EPHA8: variants seen among roughly 807,000 people sequenced by gnomAD.
The protein encoded by EPHA8 is EPH receptor A8.
Under a neutral mutation model 103.6 loss-of-function variants are expected in EPHA8, and 58 were observed. That is an observed-to-expected ratio of 0.56 (90% CI 0.45 to 0.70). EPHA8 has a LOEUF of 0.70. Among genes scored for constraint, EPHA8 ranks in the 30% least tolerant of loss-of-function variants. The pLI, the probability that EPHA8 is intolerant of heterozygous loss-of-function variation, is 0.00. For missense variants in EPHA8, 1,304 were observed against 1,395.2 expected, an observed-to-expected ratio of 0.93 and a Z score of 1.04; for synonymous variants, 559 against 572.5, an observed-to-expected ratio of 0.98 and a Z score of 0.34.
chr1:22,578,159 C>T (rs58631905), intron 3 of EPHA8, among the ~76,000 whole-genome samples: 43 of 72,280 alleles, frequency 5.9e-4, no homozygotes, highest in Non-Finnish European at 7.6e-4. Flanking sequence ...TGCGTGTGTG[C>T]ATGAGTGTAT....
intron 3 of EPHA8, among the ~76,000 whole-genome samples, chr1:22,583,566 G>A (rs995514097): frequency 3.9e-5 from 6 of 152,190 alleles, no homozygotes; most frequent in South Asian, 2.1e-4. Context: ...CTCTTCTGTC[G>A]AACAATTGTA....
chr1:22,570,329 CGCACAT>C lies in EPHA8; in HGVS notation c.159+985_159+990del, dbSNP rs910983110. Among the ~76,000 whole-genome samples the C allele has an allele frequency of 2.5e-5, 3 of 119,142 alleles. 1 individual carries two copies. The highest frequency in any genetic ancestry group is 2.9e-4 in the South Asian group (1 of 3,430). The allele number at this position is 119,142 out of a possible 152,430, so 78.2% of individuals were successfully genotyped here. ...GTGTGCGTGTACACACATGCACACA[CGCACAT>C]GCACATGCGTGGGTACACACATGCA... On this transcript the variant is annotated intron_variant, in intron 2 of 16. Transcript: ENST00000166244.
In EPHA8 at chr1:22,586,589, C is replaced by T; in HGVS notation, c.933C>T (p.Leu311=). The T allele has an allele frequency of 6.2e-7, 1 of 1,614,002 alleles. No individual in the cohort carries two copies. ...APAAQACHCD[L]SYYRAALDPP... ...CCGCCCAAGCCTGCCACTGTGACCT[C>T]AGCTACTACCGTGCAGCCCTGGACC... is the stretch of plus-strand genomic sequence containing the variant. Residue 311 remains leucine, a synonymous_variant, in exon 4 of 17, where the codon CTC becomes CTT. Transcript: ENST00000166244.
rs1173631731 is a variant in EPHA8 at position 22,576,807 on chromosome 1, G to C, written c.750G>C (p.Glu250Asp). ...CACCCAAGATGTACTGCAGCGCGGA[G>C]GGCGAGTGGCTCGTGCCCATCGGCA... ...RDTPKMYCSA[E>D]GEWLVPIGKC... The change falls in exon 3 of 17, where the codon GAG becomes GAC. Residue 250 changes from glutamate to aspartate, a missense_variant. Glu to Asp is a conservative substitution (Grantham distance 45). Coordinates refer to ENST00000166244, the MANE Select transcript of EPHA8 (RefSeq NM_020526.5). The surrounding 1 kb of genome is among the most constrained non-coding windows in gnomAD (Gnocchi z 4.8). The C allele has an allele frequency of 6.2e-7, 1 of 1,612,496 alleles. No homozygotes were observed. Among genetic ancestry groups the C allele is most frequent in the East Asian group, 2.2e-5 (1 of 44,850 alleles).
In EPHA8 at chr1:22,576,387, C is replaced by G; in HGVS notation, c.330C>G (p.Ser110Arg). The stretch of plus-strand genomic sequence containing the variant: ...AGTTTACCCTGCGCGACTGCAACAG[C>G]ATGCCTGGTGTGCTGGGCACCTGCA... ...EIKFTLRDCN[S>R]MPGVLGTCKE... The change falls in exon 3 of 17, where the codon AGC becomes AGG. Residue 110 changes from serine (S) to arginine (R), a missense_variant. Coordinates refer to ENST00000166244, the MANE Select transcript of EPHA8 (RefSeq NM_020526.5). The surrounding 1 kb of genome is among the most constrained non-coding windows in gnomAD (Gnocchi z 4.8). 6.2e-7 allele frequency: 1 copy of G among 1,613,932 alleles called. No individual in the cohort carries two copies. The highest frequency in any genetic ancestry group is 1.7e-5 in the Admixed American group (1 of 60,030).
At position 22,598,839 on chromosome 1, in the gene EPHA8, C is replaced by T; in HGVS notation, c.2180C>T (p.Thr727Ile). Residue 727 changes from threonine (T) to isoleucine (I), a missense_variant and splice_region_variant, in exon 13 of 17, where the codon ACC becomes ATC. By Grantham distance (89) the Thr-to-Ile change is moderately conservative. Transcript: ENST00000166244. This position sits in a 1 kb window ranked among gnomAD's most constrained non-coding sequence, Gnocchi z 5.1. ...AGTCCAAGCCATGTCCCCCTGCAGA[C>T]CCACGACGGGCAGTTCACCATCATG... is the stretch of plus-strand genomic sequence containing the variant. ...ENGSLDTFLR[T>I]HDGQFTIMQL... 6.2e-7 allele frequency: 1 copy of T among 1,612,084 alleles called. No individual in the cohort carries two copies. Among genetic ancestry groups the T allele is most frequent in the Non-Finnish European group, 8.5e-7 (1 of 1,179,600 alleles).
Position 22,569,238 on chromosome 1 carries a change from G to C in EPHA8, c.95-51G>C. The C allele has an allele frequency of 6.3e-7, 1 of 1,599,686 alleles. No homozygotes were observed. Among genetic ancestry groups the C allele is most frequent in the Non-Finnish European group, 8.6e-7 (1 of 1,167,792 alleles). ...AGCTGGGTCAGGCTGCTCTTGAGGA[G>C]CTGGGGAGAAGTCAGAGGGGCCTGA... On this transcript the variant is annotated intron_variant, in intron 1 of 16. Transcript: ENST00000166244. The surrounding 1 kb of genome is among the most constrained non-coding windows in gnomAD (Gnocchi z 4.5).
At position 22,575,937 on chromosome 1, in the gene EPHA8, C is replaced by T. The variant is rs1465869802; in HGVS notation, c.160-280C>T. Among the ~76,000 whole-genome samples the T allele has an allele frequency of 3.3e-5, 5 of 152,102 alleles. No individual in the cohort carries two copies. In the East Asian group the frequency reaches 5.8e-4, roughly 18 times the overall value. On this transcript the variant is annotated intron_variant, in intron 2 of 16. Transcript: ENST00000166244. The stretch of plus-strand genomic sequence containing the variant: ...TTTGGCATCAGACAGGACCGATTCC[C>T]GTCCAGCCATTGCTCGATAATGACA...
chr1:22,571,090 C>T (rs570349927), intron 2 of EPHA8, among the ~76,000 whole-genome samples: 3 of 152,298 alleles, frequency 2.0e-5, no homozygotes, highest in South Asian at 4.1e-4. Context: ...CTCAGAGCAT[C>T]GGACTTGGTG....
intron 4 of EPHA8, among the ~76,000 whole-genome samples, chr1:22,588,165 A>C (rs1641268945): frequency 6.6e-6 from 1 of 152,210 alleles, no homozygotes; most frequent in Admixed American, 6.5e-5. Context: ...CTGAAGATTT[A>C]AGATTCTCTG....
At chr1:22,578,710 T>A (rs1640906116) in intron 3 of EPHA8, among the ~76,000 whole-genome samples, 1 of 151,480 alleles carries the variant, frequency 6.6e-6, no homozygotes, top group East Asian at 2.0e-4. Context: ...TGTGTGTATG[T>A]ATATGCATGT....
chr1:22,568,981 C>T (rs920158155), intron 1 of EPHA8, among the ~76,000 whole-genome samples: 4 of 152,362 alleles, frequency 2.6e-5, no homozygotes, highest in Middle Eastern at 3.4e-3. Context: ...CTGCCAGCTT[C>T]GAGCCCACCT....
At chr1:22,582,327 G>A (rs1277239705) in intron 3 of EPHA8, among the ~76,000 whole-genome samples, 2 of 152,200 alleles carry the variant, frequency 1.3e-5, no homozygotes, top group Admixed American at 1.3e-4. Context: ...AGGAGCAGGG[G>A]TTGAGAGCCT....
Position 22,602,022 on chromosome 1 carries a change from G to C in EPHA8, c.*281G>C. On this transcript the variant is annotated 3_prime_UTR_variant, in exon 17 of 17. Transcript: ENST00000166244. ...CCTCCACGTCACAGAGTCCAACAGG[G>C]ACATCACTCGCCTGCCTCTGTGTGC... 3 of 542,844 alleles carry C rather than the reference G, an allele frequency of 5.5e-6. No homozygotes were observed. Among genetic ancestry groups the C allele is most frequent in the Non-Finnish European group, 9.7e-6 (3 of 310,054 alleles). 33.6% of individuals were successfully genotyped at this position (542,844 alleles called of 1,614,324 possible).
chr1:22,587,861 G>T (rs932540652), intron 4 of EPHA8, among the ~76,000 whole-genome samples: 4 of 152,046 alleles, frequency 2.6e-5, no homozygotes, highest in African/African-American at 9.7e-5. Context: ...TCCCTCCACT[G>T]CCCTGCCCAG....
chr1:22,584,952 C>T (rs1416556630), intron 3 of EPHA8, among the ~76,000 whole-genome samples: 4 of 151,982 alleles, frequency 2.6e-5, no homozygotes, highest in South Asian at 2.1e-4. Context: ...CACTGACAAG[C>T]GAGTACAGCC....
rs757095407 is a variant in EPHA8, at chr1:22,598,846, C to T, written c.2187C>T (p.Asp729=). The change falls in exon 13 of 17, where the codon GAC becomes GAT. Residue 729 remains aspartate (D), a synonymous_variant. Transcript: ENST00000166244. This position sits in a 1 kb window ranked among gnomAD's most constrained non-coding sequence, Gnocchi z 5.1. ...GCCATGTCCCCCTGCAGACCCACGACGGGCAGTTCACCATCATGCAGCTGG... is the reference window on the plus strand; with the variant it reads ...GCCATGTCCCCCTGCAGACCCACGATGGGCAGTTCACCATCATGCAGCTGG... ...GSLDTFLRTH[D]GQFTIMQLVG... is the part of the protein sequence containing the mutation. The T allele has an allele frequency of 4.5e-5, 73 of 1,612,140 alleles. No individual in the cohort carries two copies. Among genetic ancestry groups the T allele is most frequent in the East Asian group, 4.2e-4 (19 of 44,824 alleles).
intron 13 of EPHA8, among the ~76,000 whole-genome samples, chr1:22,599,893 A>C (rs1176531848): frequency 2.0e-5 from 1 of 50,898 alleles, no homozygotes; most frequent in South Asian, 1.4e-3. Context: ...GTGGGGGAGG[A>C]AGGAAGGAAG....
intron 4 of EPHA8, among the ~76,000 whole-genome samples, chr1:22,588,225 C>T (rs1000557121): frequency 3.3e-5 from 5 of 152,128 alleles, no homozygotes; most frequent in Non-Finnish European, 7.4e-5. Flanking sequence ...CCCACAGACC[C>T]CCATGCCCTC....
Sources: allele counts gnomAD v4.1 joint callset (sites outside exome capture counted in the v4.1 genomes callset), GRCh38; gene constraint gnomAD v4.1.1; non-coding constraint Gnocchi (gnomAD v3.1); transcripts MANE v1.5; gene names NCBI Gene and HGNC (gene_info 2026-07-23, HGNC 2026-07-21).